Variants in NBAS observed in about 807,000 individuals in gnomAD.
The protein encoded by NBAS is NAG/BC035112 fusion.
A neutral mutation model predicts 302.5 loss-of-function variants in NBAS; 219 were observed. The observed-to-expected ratio is 0.72, with a 90% CI of 0.65 to 0.81. NBAS has a LOEUF of 0.81. Ranked by LOEUF, NBAS falls within the 30% of genes least tolerant of loss-of-function variation. The pLI is 0.00. For missense variants in NBAS, 2,932 were observed against 2,841.6 expected (o/e 1.03, Z -0.72); for synonymous variants, 1,118 against 1,021.6 (o/e 1.09, Z -1.80).
chr2:15,022,273 G>A, the NBAS span, among the ~76,000 whole-genome samples: 35 of 152,060 alleles, frequency 2.3e-4, no homozygotes, highest in African/African-American at 8.5e-4. Context: ...TTACAGTCAG[G>A]GCTTAACAAA....
the NBAS span, among the ~76,000 whole-genome samples, chr2:14,882,795 C>G: frequency 1.2e-4 from 19 of 152,172 alleles, no homozygotes; most frequent in African/African-American, 4.6e-4. Flanking sequence ...AAGCCATTAT[C>G]AAATGCCATG....
the NBAS span, among the ~76,000 whole-genome samples, chr2:14,901,500 A>G: frequency 6.6e-6 from 1 of 152,314 alleles, no homozygotes; most frequent in Non-Finnish European, 1.5e-5. Context: ...AGGATTTTAT[A>G]AACACTTTAA....
chr2:14,979,968 T>G, the NBAS span, among the ~76,000 whole-genome samples: 1 of 152,122 alleles, frequency 6.6e-6, no homozygotes, highest in East Asian at 1.9e-4. Flanking sequence ...TCCTGCTAAA[T>G]GTGAATAAAG....
chr2:15,081,436 A>T, the NBAS span, among the ~76,000 whole-genome samples: 1 of 152,196 alleles, frequency 6.6e-6, no homozygotes, highest in Non-Finnish European at 1.5e-5. Context: ...TGTCTCATAT[A>T]CCATACTTAT....
rs776681518 is a variant in NBAS at position 15,366,667 on chromosome 2, G to A, written c.3730C>T (p.Leu1244Phe). 4 of 1,614,062 alleles carry A rather than the reference G, an allele frequency of 2.5e-6. No individual in the cohort carries two copies. Among genetic ancestry groups the A allele is most frequent in the Non-Finnish European group, 1.7e-6 (2 of 1,179,980 alleles). ...QVRLCPDRIS[L>F]IKECISQSPT... Reference sequence around the variant, plus strand: ...GACTGGGAAATACACTCCTTGATGAGACTGATCCGATCAGGGCACAATCGC... The same window carrying A: ...GACTGGGAAATACACTCCTTGATGAAACTGATCCGATCAGGGCACAATCGC... Residue 1244 changes from leucine to phenylalanine, a missense_variant, in exon 32 of 52, where the codon CTC (leucine) becomes TTC (phenylalanine). Physicochemically the swap from Leu to Phe is conservative, Grantham distance 22 (BLOSUM62 0). Transcript: ENST00000281513.
At chr2:15,052,573 T>C in the NBAS span, among the ~76,000 whole-genome samples, 1 of 152,200 alleles carries the variant, frequency 6.6e-6, no homozygotes, top group African/African-American at 2.4e-5. Flanking sequence ...GCTTTGCCTC[T>C]GCAGCATACA....
the NBAS span, among the ~76,000 whole-genome samples, chr2:14,878,879 A>G: frequency 1.9e-3 from 282 of 152,284 alleles, 2 homozygotes; most frequent in African/African-American, 6.5e-3. Context: ...TTAGACAAAC[A>G]TATGATGTCA....
chr2:15,181,897 T>C lies in NBAS; in HGVS notation c.6712-2781A>G, dbSNP rs193213488. On this transcript the variant is annotated intron_variant, in intron 50 of 51. Transcript: ENST00000281513. ...GCACAAGGTATGCAGGGATTGGTGATGCAGAGACCGAGGGGCTTATCACAT... is the reference window on the plus strand; with the variant it reads ...GCACAAGGTATGCAGGGATTGGTGACGCAGAGACCGAGGGGCTTATCACAT... Among the ~76,000 whole-genome samples, 21 of 152,356 alleles carry C rather than the reference T, an allele frequency of 1.4e-4. 1 individual carries two copies. In the East Asian group the frequency reaches 3.9e-3, roughly 28 times the overall value.
chr2:15,044,366 T>C, the NBAS span, among the ~76,000 whole-genome samples: 54 of 152,290 alleles, frequency 3.5e-4, 1 homozygote, highest in Admixed American at 1.5e-3. Context: ...AACCCCCCGG[T>C]CCAATTATTT....
chr2:14,842,157 T>C, the NBAS span, among the ~76,000 whole-genome samples: 94 of 151,770 alleles, frequency 6.2e-4, no homozygotes, highest in African/African-American at 2.1e-3. Context: ...AAATACAACA[T>C]AAAAAGTCTT....
the NBAS span, among the ~76,000 whole-genome samples, chr2:15,066,174 C>A: frequency 2.0e-5 from 3 of 152,054 alleles, no homozygotes; most frequent in Non-Finnish European, 4.4e-5. Flanking sequence ...AAACTAGATA[C>A]CTACATGCAG....
chr2:15,555,304 C>T (rs750923296), intron 3 of NBAS, among the ~76,000 whole-genome samples: 14 of 150,504 alleles, frequency 9.3e-5, no homozygotes, highest in Non-Finnish European at 1.6e-4. Context: ...AGTACATTTA[C>T]GCTCATTTTT....
At chr2:15,124,131 C>T in the NBAS span, among the ~76,000 whole-genome samples, 1 of 152,204 alleles carries the variant, frequency 6.6e-6, no homozygotes, top group Non-Finnish European at 1.5e-5. Flanking sequence ...CCTAGTTATG[C>T]CCTAGCAAAG....
At chr2:14,820,679 C>T in the NBAS span, among the ~76,000 whole-genome samples, 2 of 152,188 alleles carry the variant, frequency 1.3e-5, no homozygotes, top group East Asian at 1.9e-4. Flanking sequence ...GTATAAATTC[C>T]TCAATGTGAG....
At chr2:15,375,753 T>G (rs1311217155) in intron 30 of NBAS, among the ~76,000 whole-genome samples, 2 of 152,160 alleles carry the variant, frequency 1.3e-5, no homozygotes, top group African/African-American at 4.8e-5. Context: ...GACATATAAT[T>G]GTGGGTGCTC....
chr2:15,431,534 C>T (rs907637899), intron 21 of NBAS, among the ~76,000 whole-genome samples: 1 of 152,070 alleles, frequency 6.6e-6, no homozygotes, highest in African/African-American at 2.4e-5. Context: ...TAGTATCTGG[C>T]ATTTAGCAGA....
chr2:14,945,148 T>G, the NBAS span, among the ~76,000 whole-genome samples: 1 of 152,098 alleles, frequency 6.6e-6, no homozygotes. Context: ...CCTAGCCAAG[T>G]TTCCAGCAGT....
At chr2:15,102,495 C>T in the NBAS span, among the ~76,000 whole-genome samples, 1 of 152,198 alleles carries the variant, frequency 6.6e-6, no homozygotes, top group Non-Finnish European at 1.5e-5. Flanking sequence ...TACTTTCTAC[C>T]TGACAATGTA....
chr2:15,495,878 A>G (rs1367397328), intron 11 of NBAS, among the ~76,000 whole-genome samples: 2 of 152,144 alleles, frequency 1.3e-5, no homozygotes, highest in East Asian at 1.9e-4. Flanking sequence ...ACTATCTGAC[A>G]ACTCCTCAAA....
Sources: allele counts gnomAD v4.1 joint callset (sites outside exome capture counted in the v4.1 genomes callset), GRCh38; gene constraint gnomAD v4.1.1; transcripts MANE v1.5; gene names NCBI Gene and HGNC (gene_info 2026-07-23, HGNC 2026-07-21).